FHIT: variants seen among roughly 807,000 people sequenced by gnomAD.
FHIT encodes bis(5'-adenosyl)-triphosphatase.
A neutral mutation model predicts 17.9 loss-of-function variants in FHIT; 19 were observed. The observed-to-expected ratio is 1.06, with a 90% CI of 0.74 to 1.56. The LOEUF is 1.56. FHIT is among the 40% of genes most tolerant of loss of function. The pLI, the probability that FHIT is intolerant of heterozygous loss-of-function variation, is 0.00. For synonymous variants in FHIT, 81 were observed against 69.7 expected, an observed-to-expected ratio of 1.16 and a Z score of -0.81; for missense variants, 248 against 189.2, an observed-to-expected ratio of 1.31 and a Z score of -1.82.
intron 5 of FHIT, among the ~76,000 whole-genome samples, chr3:60,191,131 G>A (rs1420058216): frequency 6.6e-6 from 1 of 152,026 alleles, no homozygotes; most frequent in East Asian, 1.9e-4. Flanking sequence ...AAAAACAATG[G>A]TTCCTTTCTC....
At chr3:60,917,313 C>A (rs887435575) in intron 3 of FHIT, among the ~76,000 whole-genome samples, 2 of 152,240 alleles carry the variant, frequency 1.3e-5, no homozygotes, top group South Asian at 4.1e-4. Context: ...AGGCTCCAAA[C>A]CATGCTTGCC....
At chr3:60,345,033 A>C (rs11717219) in intron 5 of FHIT, among the ~76,000 whole-genome samples, 17,058 of 152,242 alleles carry the variant, frequency 0.11, 1,235 homozygotes, top group Non-Finnish European at 0.16. Context: ...ATTGCTTTAA[A>C]GTAAACTTTA....
chr3:60,228,267 C>T (rs9870279), intron 5 of FHIT, among the ~76,000 whole-genome samples: 1 of 151,904 alleles, frequency 6.6e-6, no homozygotes, highest in Non-Finnish European at 1.5e-5. Flanking sequence ...AATCCACAGA[C>T]ACAGAGCAAA....
intron 7 of FHIT, among the ~76,000 whole-genome samples, chr3:59,942,646 T>C (rs143376939): frequency 1.7e-4 from 26 of 152,044 alleles, no homozygotes; most frequent in African/African-American, 5.3e-4. Context: ...TTACAGCCCT[T>C]AGTTCTTTTT....
intron 4 of FHIT, among the ~76,000 whole-genome samples, chr3:60,686,042 G>T (rs2040855977): frequency 6.6e-6 from 1 of 152,038 alleles, no homozygotes; most frequent in African/African-American, 2.4e-5. Context: ...TTTTCTGAAT[G>T]CAACTTTATT....
rs184407506 is a variant in FHIT at position 60,675,329 on chromosome 3, T to C, written c.-17-138350A>G. 4.2e-4 allele frequency among the ~76,000 whole-genome samples: 64 copies of C among 152,340 alleles called. No individual in the cohort carries two copies. The East Asian group carries it at 0.012, about 29-fold the overall frequency. Reference sequence around the variant, plus strand: ...TATTCTACCACCTGCTACTAAATGATGAAAAATAATTATCAAGTGAGTTGC... The same window carrying C: ...TATTCTACCACCTGCTACTAAATGACGAAAAATAATTATCAAGTGAGTTGC... On this transcript the variant is annotated intron_variant, in intron 4 of 9. Coordinates refer to ENST00000492590, the MANE Select transcript of FHIT (RefSeq NM_002012.4).
intron 5 of FHIT, among the ~76,000 whole-genome samples, chr3:60,160,431 G>C (rs1700890584): frequency 6.6e-6 from 1 of 152,108 alleles, no homozygotes; most frequent in African/African-American, 2.4e-5. Context: ...TCCTACAGAA[G>C]AAACCTATTT....
At chr3:60,528,490 A>C (rs2035655623) in intron 5 of FHIT, among the ~76,000 whole-genome samples, 2 of 152,090 alleles carry the variant, frequency 1.3e-5, no homozygotes, top group African/African-American at 4.8e-5. Context: ...TGCTACAAGT[A>C]AGCTTTCCCT....
intron 5 of FHIT, among the ~76,000 whole-genome samples, chr3:60,463,958 G>A (rs888655816): frequency 6.6e-6 from 1 of 152,206 alleles, no homozygotes; most frequent in South Asian, 2.1e-4. Context: ...ATTCTAGCAA[G>A]TGTGTGGCAA....
At chr3:60,461,132 A>T (rs2032435922) in intron 5 of FHIT, among the ~76,000 whole-genome samples, 1 of 152,218 alleles carries the variant, frequency 6.6e-6, no homozygotes, top group African/African-American at 2.4e-5. Flanking sequence ...TCACACTGAA[A>T]AATAAAATCT....
At chr3:60,026,442 T>A (rs1023310097) in intron 5 of FHIT, among the ~76,000 whole-genome samples, 1 of 152,116 alleles carries the variant, frequency 6.6e-6, no homozygotes, top group African/African-American at 2.4e-5. Context: ...GGAACCCAGA[T>A]CTTCATTCAT....
chr3:60,157,032 T>C (rs1700730425), intron 5 of FHIT, among the ~76,000 whole-genome samples: 1 of 152,028 alleles, frequency 6.6e-6, no homozygotes, highest in Admixed American at 6.5e-5. Flanking sequence ...GGAAAATAAA[T>C]ATGGATTTAT....
chr3:59,818,121 A>AAG (rs1700667176), intron 8 of FHIT, among the ~76,000 whole-genome samples: 1 of 150,950 alleles, frequency 6.6e-6, no homozygotes, highest in Non-Finnish European at 1.5e-5. Context: ...AGAAAAAAAA[A>AAG]GGAGGCCTTT....
chr3:60,788,292 T>C lies in FHIT; in HGVS notation c.-18+33627A>G, dbSNP rs148384699. 4.6e-5 allele frequency among the ~76,000 whole-genome samples: 7 copies of C among 151,872 alleles called. No homozygotes were observed. In the East Asian group the frequency reaches 1.2e-3, roughly 25 times the overall value. ...GGCAACAGAGTGAGACCCTATCTCT[T>C]AAAAACAAAAAAAATATTGTAATCA... On this transcript the variant is annotated intron_variant, in intron 4 of 9. Coordinates refer to ENST00000492590, the MANE Select transcript of FHIT (RefSeq NM_002012.4).
At chr3:60,346,825 G>T (rs1710804508) in intron 5 of FHIT, among the ~76,000 whole-genome samples, 1 of 152,048 alleles carries the variant, frequency 6.6e-6, no homozygotes, top group Non-Finnish European at 1.5e-5. Flanking sequence ...AATATGAAAA[G>T]GACCTGAATT....
chr3:60,570,255 A>G (rs2037327867), intron 4 of FHIT, among the ~76,000 whole-genome samples: 1 of 152,210 alleles, frequency 6.6e-6, no homozygotes, highest in Non-Finnish European at 1.5e-5. Flanking sequence ...CTATGATAAC[A>G]TAAGCACAGA....
At chr3:60,450,072 C>A (rs907269126) in intron 5 of FHIT, among the ~76,000 whole-genome samples, 16 of 145,392 alleles carry the variant, frequency 1.1e-4, no homozygotes, top group Non-Finnish European at 2.4e-4. Flanking sequence ...GAGCACTTAA[C>A]ATGAATGAAG....
intron 3 of FHIT, among the ~76,000 whole-genome samples, chr3:60,900,285 G>A (rs1706050171): frequency 1.3e-5 from 2 of 152,044 alleles, no homozygotes; most frequent in Admixed American, 1.3e-4. Context: ...CAGTAGCCAG[G>A]TGTGGTGGCC....
intron 7 of FHIT, among the ~76,000 whole-genome samples, chr3:59,955,769 C>A (rs1356595733): frequency 6.6e-6 from 1 of 152,188 alleles, no homozygotes; most frequent in African/African-American, 2.4e-5. Flanking sequence ...GCCATCAGGT[C>A]CTAAATTTCA....
Sources: allele counts gnomAD v4.1 joint callset (sites outside exome capture counted in the v4.1 genomes callset), GRCh38; gene constraint gnomAD v4.1.1; transcripts MANE v1.5; gene names NCBI Gene and HGNC (gene_info 2026-07-23, HGNC 2026-07-21).